Variants in ARMC8 observed in about 807,000 individuals in gnomAD.
ARMC8 encodes the protein armadillo repeat-containing protein 8.
ARMC8 carries 20 observed loss-of-function variants against 99.3 expected under a neutral mutation model. The observed-to-expected ratio is 0.20, with a 90% CI of 0.14 to 0.29. The LOEUF is 0.29. ARMC8 is among the 10% of genes least tolerant of loss of function. The pLI is 1.00. For synonymous variants in ARMC8, 263 were observed against 278.3 expected (o/e 0.95, Z 0.55); for missense variants, 569 against 809.5 (o/e 0.70, Z 3.60).
At chr3:138,206,091 G>A (rs1034343281) in intron 1 of ARMC8, among the ~76,000 whole-genome samples, 69 of 152,136 alleles carry the variant, frequency 4.5e-4, no homozygotes, top group Non-Finnish European at 3.8e-4. Context: ...TGCAAAAATA[G>A]CAAGTCTTCA....
chr3:138,188,392 TAAAA>T, intron 1 of ARMC8: 1 of 1,439,966 alleles, frequency 6.9e-7, no homozygotes, highest in Non-Finnish European at 9.2e-7. Context: ...TTTTTTTTTT[TAAAA>T]AAAGTTTTTT....
chr3:138,279,557 G>C (rs936414709), intron 18 of ARMC8, among the ~76,000 whole-genome samples: 3 of 152,048 alleles, frequency 2.0e-5, no homozygotes, highest in African/African-American at 7.2e-5. Context: ...CTGGCCTTGG[G>C]GAATGAGGTG....
chr3:138,287,522 G>T (rs2050546578), intron 19 of ARMC8: 9 of 380,282 alleles, frequency 2.4e-5, no homozygotes, highest in South Asian at 5.9e-5. Context: ...ATAAACTTAT[G>T]CATAGTAAAT....
rs150700817 is a variant in ARMC8 at position 138,269,654 on chromosome 3, A to G, written c.1387-386A>G. 6.7e-4 allele frequency among the ~76,000 whole-genome samples: 102 copies of G among 152,286 alleles called. 1 individual carries two copies. The highest frequency in any genetic ancestry group is 2.2e-3 in the African/African-American group (91 of 41,564). ...CGTAAGCAATGCACAAGATGTACAC[A>G]TAAAGCAGAAAGTGACAGAGTCTCA... is the stretch of plus-strand genomic sequence containing the variant. On this transcript the variant is annotated intron_variant, in intron 15 of 21. Transcript: ENST00000469044.
intron 11 of ARMC8, among the ~76,000 whole-genome samples, 182 bp from the exon 12 acceptor site, chr3:138,244,906 G>A (rs1213650493): frequency 6.6e-6 from 1 of 152,142 alleles, no homozygotes; most frequent in Admixed American, 6.5e-5. Context: ...ACATTGATAC[G>A]AACACTGCAA....
chr3:138,264,143 T>G lies in ARMC8; in HGVS notation c.1230T>G (p.Ser410Arg), dbSNP rs758766445. Residue 410 changes from serine (S) to arginine (R), a missense_variant, in exon 14 of 22, where the codon AGT (serine) becomes AGG (arginine). Transcript: ENST00000469044. ...TTATTCTTTGTAGATGTTTGCACAG[T>G]TTATCCAGATCTGTGCAGCAGCTTC... Reference protein sequence around the residue: ...VRLAAVRCLHSLSRSVQQLRT... With the variant: ...VRLAAVRCLHRLSRSVQQLRT... The G allele has an allele frequency of 6.2e-7, 1 of 1,613,298 alleles. No homozygotes were observed. Among genetic ancestry groups the G allele is most frequent in the East Asian group, 2.2e-5 (1 of 44,878 alleles).
At chr3:138,232,724 A>G (rs2046118952) in intron 6 of ARMC8, among the ~76,000 whole-genome samples, 2 of 152,224 alleles carry the variant, frequency 1.3e-5, no homozygotes, top group South Asian at 2.1e-4. Context: ...AGCAGTGTAT[A>G]TAGTATTCTA....
chr3:138,239,393 T>C, intron 9 of ARMC8, 75 bp from the exon 10 acceptor site: 2 of 1,154,704 alleles, frequency 1.7e-6, no homozygotes, highest in Non-Finnish European at 2.5e-6. Flanking sequence ...TTTAATAAAA[T>C]CTTAAAGGCA....
intron 2 of ARMC8, among the ~76,000 whole-genome samples, chr3:138,214,815 A>G (rs1334750563): frequency 2.0e-5 from 3 of 152,058 alleles, no homozygotes; most frequent in African/African-American, 7.2e-5. Context: ...CACCATGCAC[A>G]GCTAATTTTT....
At chr3:138,187,939 T>C (rs1392906466) in intron 1 of ARMC8, 2 of 354,280 alleles carry the variant, frequency 5.6e-6, no homozygotes, top group Non-Finnish European at 1.0e-5. Flanking sequence ...GCGATGCCGC[T>C]TCCCGGGGGC....
intron 1 of ARMC8, among the ~76,000 whole-genome samples, chr3:138,198,998 A>G (rs983280045): frequency 5.2e-4 from 79 of 152,186 alleles, no homozygotes; most frequent in African/African-American, 1.7e-3. Context: ...TGTGTTTGTG[A>G]AATTAAAGTA....
Position 138,289,033 on chromosome 3 carries a change from T to G in ARMC8, c.1822-15T>G. 1 of 1,606,022 alleles carries G rather than the reference T, an allele frequency of 6.2e-7. No individual in the cohort carries two copies. The highest frequency in any genetic ancestry group is 8.5e-7 in the Non-Finnish European group (1 of 1,175,844). ...ACCACCATTTTGATTTTTTTTTCTT[T>G]TTCTGTATTAATAGGGCCATTCACA... On this transcript the variant is annotated splice_polypyrimidine_tract_variant and intron_variant, in intron 19 of 21. Coordinates refer to ENST00000469044, the MANE Select transcript of ARMC8 (RefSeq NM_001363941.2).
rs757679444 is a variant in ARMC8 at position 138,264,111 on chromosome 3, A to G, written c.1218-20A>G. The G allele has an allele frequency of 1.2e-6, 2 of 1,602,602 alleles. No individual in the cohort carries two copies. The highest frequency in any genetic ancestry group is 2.2e-5 in the South Asian group (2 of 88,890). ...AAAGTTTTGATTTCTTGTGAAGCTA[A>G]TTTTGATTATTCTTTGTAGATGTTT... On this transcript the variant is annotated intron_variant, in intron 13 of 21. Coordinates refer to ENST00000469044, the MANE Select transcript of ARMC8 (RefSeq NM_001363941.2).
chr3:138,188,302 G>A lies in ARMC8; in HGVS notation c.45+703G>A, dbSNP rs985830461. On this transcript the variant is annotated intron_variant, in intron 1 of 21. Coordinates refer to ENST00000469044, the MANE Select transcript of ARMC8 (RefSeq NM_001363941.2). ...CTTTAAGGGGAGTCAAACATTGAAG[G>A]GGGGAAAAGGGGGTGAGATTTATTT... The A allele has an allele frequency of 5.8e-6, 6 of 1,040,546 alleles. No homozygotes were observed. In the South Asian group the frequency reaches 9.5e-5, roughly 16 times the overall value. The allele number at this position is 1,040,546 out of a possible 1,614,324, so 64.5% of individuals were successfully genotyped here.
intron 17 of ARMC8, 131 bp downstream of exon 17, chr3:138,273,247 C>A: frequency 9.8e-7 from 1 of 1,016,590 alleles, no homozygotes; most frequent in Non-Finnish European, 1.4e-6. Context: ...TCCAAAGAAA[C>A]AAGGAGTTGA....
intron 16 of ARMC8, among the ~76,000 whole-genome samples, chr3:138,271,980 C>G (rs184716235): frequency 1.3e-5 from 2 of 152,050 alleles, no homozygotes. Context: ...ATTTTTGTAT[C>G]AAAAGTTGAT....
chr3:138,283,643 T>C (rs569395976), intron 18 of ARMC8, among the ~76,000 whole-genome samples: 1 of 152,324 alleles, frequency 6.6e-6, no homozygotes, highest in East Asian at 1.9e-4. Context: ...GGTATCCCTA[T>C]CATAGTCCTT....
chr3:138,279,217 A>G (rs2049625958), intron 18 of ARMC8, among the ~76,000 whole-genome samples: 1 of 152,302 alleles, frequency 6.6e-6, no homozygotes, highest in Non-Finnish European at 1.5e-5. Context: ...TTTACCATAA[A>G]TAGATATTGG....
chr3:138,280,921 C>T (rs1365974351), intron 18 of ARMC8, among the ~76,000 whole-genome samples: 1 of 152,232 alleles, frequency 6.6e-6, no homozygotes, highest in Non-Finnish European at 1.5e-5. Context: ...AGCCACCGCA[C>T]CCAGCCTGTT....
Sources: allele counts gnomAD v4.1 joint callset (sites outside exome capture counted in the v4.1 genomes callset), GRCh38; gene constraint gnomAD v4.1.1; transcripts MANE v1.5; gene names NCBI Gene and HGNC (gene_info 2026-07-23, HGNC 2026-07-21).